GART: variants seen among roughly 807,000 people sequenced by gnomAD.
The protein encoded by GART is phosphoribosylglycinamide formyltransferase, phosphoribosylglycinamide synthetase, phosphoribosylaminoimidazole synthetase, also known as trifunctional purine biosynthetic protein adenosine-3.
In GART, 43 loss-of-function variants were observed where a neutral mutation model predicts 107.2. The ratio of observed to expected loss-of-function variants is 0.40; its 90% CI spans 0.31 to 0.52. The LOEUF is 0.52. GART is among the 20% of genes least tolerant of loss of function. GART has a pLI of 0.52. For synonymous variants in GART, 434 were observed against 427.0 expected (o/e 1.02, Z -0.20); for missense variants, 1,107 against 1,206.5 (o/e 0.92, Z 1.22).
At chr21:33,526,019 A>G (rs890027897) in intron 10 of GART, among the ~76,000 whole-genome samples, 11 of 151,438 alleles carry the variant, frequency 7.3e-5, no homozygotes, top group Admixed American at 6.6e-4. Flanking sequence ...ACAGGTGCCC[A>G]CCACCATGCC....
At chr21:33,520,286 G>T in intron 14 of GART, 78 bp downstream of exon 14, 1 of 1,226,176 alleles carries the variant, frequency 8.2e-7, no homozygotes, top group Non-Finnish European at 1.2e-6. Context: ...AGCTACATTG[G>T]CACTGATCAC....
intron 18 of GART, 87 bp downstream of exon 18, chr21:33,509,696 G>A (rs1198295992): frequency 8.6e-6 from 12 of 1,395,458 alleles, no homozygotes; most frequent in South Asian, 2.7e-5. Context: ...AGACTCTGCC[G>A]AGAGTAACCT....
At position 33,506,072 on chromosome 21, in the gene GART, G is replaced by A. The variant is rs2084674964; in HGVS notation, c.2485C>T (p.Arg829Trp). 1.9e-6 allele frequency: 3 copies of A among 1,613,976 alleles called. No homozygotes were observed. Among genetic ancestry groups the A allele is most frequent in the Non-Finnish European group, 1.7e-6 (2 of 1,180,012 alleles). Reference protein sequence around the residue: ...SNLQALIDSTREPNSSAQIDI... With the variant: ...SNLQALIDSTWEPNSSAQIDI... ...ATTTGTGCAGAGCTATTTGGTTCCC[G>A]AGTACTGTCTATAAGTGCTTGCAGG... The change falls in exon 19 of 22, where the codon CGG (arginine) becomes TGG (tryptophan). Residue 829 changes from arginine to tryptophan, a missense_variant. Transcript: ENST00000381815.
At chr21:33,525,202 G>A (rs932823341) in intron 10 of GART, among the ~76,000 whole-genome samples, 1 of 151,456 alleles carries the variant, frequency 6.6e-6, no homozygotes, top group Non-Finnish European at 1.5e-5. Flanking sequence ...CTGGGCAACA[G>A]AGCAAGACCT....
At chr21:33,535,092 A>T in intron 3 of GART, 133 bp downstream of exon 3, 1 of 596,588 alleles carries the variant, frequency 1.7e-6, no homozygotes. Context: ...AGACTCCATA[A>T]ATTTCGAGAG....
chr21:33,528,480 A>AT, intron 9 of GART, 39 bp downstream of exon 9: 1 of 1,555,602 alleles, frequency 6.4e-7, no homozygotes, highest in East Asian at 2.2e-5. Flanking sequence ...AAAATACCAC[A>AT]TATCTTCTAC....
intron 8 of GART, 78 bp downstream of exon 8, chr21:33,528,772 A>AAT: frequency 1.9e-6 from 2 of 1,066,138 alleles, no homozygotes; most frequent in Non-Finnish European, 2.7e-6. Context: ...AAAAAAAAAA[A>AAT]GGGAATGGAA....
At chr21:33,513,576 T>C (rs1391289883) in intron 16 of GART, among the ~76,000 whole-genome samples, 1 of 151,922 alleles carries the variant, frequency 6.6e-6, no homozygotes, top group East Asian at 1.9e-4. Context: ...TCTAAAAAAA[T>C]AAAAATAAAT....
chr21:33,525,398 ATCTT>A (rs1284489150), intron 10 of GART, among the ~76,000 whole-genome samples: 4 of 152,080 alleles, frequency 2.6e-5, no homozygotes, highest in Non-Finnish European at 5.9e-5. Flanking sequence ...AAAATTAAAG[ATCTT>A]TCTCTCACTT....
intron 18 of GART, 141 bp downstream of exon 18, chr21:33,509,642 T>C (rs561738136): frequency 1.1e-4 from 87 of 757,196 alleles, no homozygotes; most frequent in Admixed American, 3.2e-5. Flanking sequence ...AGACTAAGAA[T>C]GCTGAAAAGA....
intron 3 of GART, among the ~76,000 whole-genome samples, 194 bp from the exon 4 acceptor site, chr21:33,534,947 AG>A (rs2145757625): frequency 6.6e-6 from 1 of 152,368 alleles, no homozygotes; most frequent in South Asian, 2.1e-4. Flanking sequence ...ATCTATCAAA[AG>A]TTGTTATATT....
At chr21:33,542,790 T>C (rs557172030), upstream of GART, 192 of 457,278 alleles carry the variant, frequency 4.2e-4, 1 homozygote, top group South Asian at 3.1e-3. Flanking sequence ...TGACAACTTA[T>C]GCGGACACGG....
chr21:33,542,872 G>C, upstream of GART: 1 of 589,994 alleles, frequency 1.7e-6, no homozygotes, highest in South Asian at 2.0e-5. Context: ...AGTCGTGCGC[G>C]GCGCAAACGT....
At position 33,523,450 on chromosome 21, in the gene GART, A is replaced by G. The variant is rs938634417; in HGVS notation, c.1299-1168T>C. On this transcript the variant is annotated intron_variant, in intron 11 of 21. Coordinates refer to ENST00000381815, the MANE Select transcript of GART (RefSeq NM_000819.5). ...CTAGAATTGAGATTGCAGTCCCTTG[A>G]AATAGGTCATTTCAATGGAATCTAG... 2.6e-5 allele frequency among the ~76,000 whole-genome samples: 4 copies of G among 152,188 alleles called. No homozygotes were observed. The East Asian group carries it at 7.7e-4, about 29-fold the overall frequency.
intron 7 of GART, among the ~76,000 whole-genome samples, chr21:33,530,397 T>TCA (rs377175222): frequency 2.6e-4 from 39 of 151,750 alleles, no homozygotes; most frequent in African/African-American, 7.7e-4. Context: ...TCAATTCATA[T>TCA]CACACACACA....
chr21:33,523,488 G>A (rs1227694799), intron 11 of GART, among the ~76,000 whole-genome samples: 2 of 152,046 alleles, frequency 1.3e-5, no homozygotes, highest in African/African-American at 2.4e-5. Flanking sequence ...ATTTTTAAAT[G>A]AAAAATAAAT....
rs754115572 is a variant in GART at position 33,504,122 on chromosome 21, C to A, written c.*2G>T. 1.9e-6 allele frequency: 3 copies of A among 1,600,664 alleles called. No homozygotes were observed. Among genetic ancestry groups the A allele is most frequent in the Non-Finnish European group, 2.6e-6 (3 of 1,172,288 alleles). ...CTGGCCCCATTTCTGAATTAAAAGG[C>A]TTCATTCCTCTTTAACCCAACAGAT... is the stretch of plus-strand genomic sequence containing the variant. On this transcript the variant is annotated 3_prime_UTR_variant, in exon 22 of 22. Coordinates refer to ENST00000381815, the MANE Select transcript of GART (RefSeq NM_000819.5).
upstream of GART, chr21:33,542,217 G>C (rs34063527): frequency 6.6e-6 from 1 of 152,386 alleles, no homozygotes; most frequent in East Asian, 1.9e-4. Flanking sequence ...GGTCTCCGCG[G>C]CGAGAATCTA....
intron 18 of GART, 107 bp from the exon 19 acceptor site, chr21:33,506,211 T>G (rs2084679156): frequency 8.1e-7 from 1 of 1,233,114 alleles, no homozygotes; most frequent in Non-Finnish European, 1.1e-6. Flanking sequence ...TGCCACGATC[T>G]GGGTTCACTG....
Sources: allele counts gnomAD v4.1 joint callset (sites outside exome capture counted in the v4.1 genomes callset), GRCh38; gene constraint gnomAD v4.1.1; transcripts MANE v1.5; gene names NCBI Gene and HGNC (gene_info 2026-07-23, HGNC 2026-07-21).